PTRH2: variants seen among roughly 807,000 people sequenced by gnomAD.
The protein encoded by PTRH2 is peptidyl-tRNA hydrolase 2.
PTRH2 carries 10 observed loss-of-function variants against 12.3 expected under a neutral mutation model. The ratio of observed to expected loss-of-function variants is 0.81; its 90% CI spans 0.50 to 1.38. The LOEUF (loss-of-function observed/expected upper bound fraction) is 1.38. Among genes scored for constraint, PTRH2 ranks in the 40% most tolerant of loss-of-function variants. PTRH2 has a pLI of 0.00. For synonymous variants in PTRH2, 73 were observed against 77.4 expected (o/e 0.94, Z 0.30); for missense variants, 176 against 214.1 (o/e 0.82, Z 1.11).
rs567829475 is a variant in PTRH2 at position 59,697,527 on chromosome 17, A to G, written c.452T>C (p.Ile151Thr). Residue 151 changes from isoleucine to threonine, a missense_variant, in exon 2 of 2, where the codon ATT becomes ACT. Transcript: ENST00000393038. ...TAGGACAGTTTGAGAGCCTGGTGCA[A>G]TCTGAGTACGTCCAGCATCTTGAAT... Reference protein sequence around the residue: ...SLIQDAGRTQIAPGSQTVLGI... With the variant: ...SLIQDAGRTQTAPGSQTVLGI... 1.1e-5 allele frequency: 17 copies of G among 1,614,082 alleles called. No individual in the cohort carries two copies. The highest frequency in any genetic ancestry group is 1.4e-5 in the Non-Finnish European group (16 of 1,180,030).
At chr17:59,698,061 A>C (rs1364808187) in intron 1 of PTRH2, 83 bp from the exon 2 acceptor site, 6 of 1,379,220 alleles carry the variant, frequency 4.4e-6, no homozygotes, top group African/African-American at 4.3e-5. Flanking sequence ...CATTTTGACT[A>C]TACACTTAAT....
At chr17:59,705,873 C>T (rs1274869545) in intron 1 of PTRH2, among the ~76,000 whole-genome samples, 1 of 150,282 alleles carries the variant, frequency 6.7e-6, no homozygotes, top group East Asian at 2.0e-4. Context: ...CGTGCCACTG[C>T]ACCCCAGGCT....
chr17:59,697,886 C>T lies in PTRH2; in HGVS notation c.93G>A (p.Trp31Ter), dbSNP rs1294419677. The change falls in exon 2 of 2, where the codon TGG becomes TGA. Residue 31 changes from tryptophan (W) to a stop codon, truncating the protein, a stop_gained. Coordinates refer to ENST00000393038, the MANE Select transcript of PTRH2 (RefSeq NM_016077.5). LOFTEE classifies it high-confidence loss of function. ...GCATCCCAAAGCATACTCGAAGGCT[C>T]CAGCCCAGGCACATGCCACAAGCAA... ...VGVACGMCLG[W>*]SLRVCFGMLP... 6.2e-6 allele frequency: 10 copies of T among 1,614,050 alleles called. No individual in the cohort carries two copies. Among genetic ancestry groups the T allele is most frequent in the Non-Finnish European group, 8.5e-6 (10 of 1,180,034 alleles).
chr17:59,700,171 G>A (rs1388084907), intron 1 of PTRH2: 1 of 152,176 alleles, frequency 6.6e-6, no homozygotes, highest in Non-Finnish European at 1.5e-5. Flanking sequence ...TGTCCATACT[G>A]AATTTTCCAG....
chr17:59,698,730 T>G (rs1240147767), intron 1 of PTRH2: 1 of 606,484 alleles, frequency 1.6e-6, no homozygotes, highest in Non-Finnish European at 2.9e-6. Flanking sequence ...CTAGCCTACC[T>G]TAAATGTGCT....
chr17:59,702,992 G>A (rs1224939339), intron 1 of PTRH2, among the ~76,000 whole-genome samples: 1 of 152,054 alleles, frequency 6.6e-6, no homozygotes, highest in African/African-American at 2.4e-5. Context: ...TGGTAGGTTA[G>A]GTGTATTAAA....
intron 1 of PTRH2, chr17:59,700,990 AATG>A (rs1420051948): frequency 2.6e-5 from 4 of 152,234 alleles, no homozygotes. Flanking sequence ...GGTTAAGATT[AATG>A]ATGACTTTTT....
intron 1 of PTRH2, chr17:59,699,034 T>C: frequency 3.3e-6 from 2 of 611,028 alleles, no homozygotes. Context: ...TCAACACTAG[T>C]TGATGGTTTA....
chr17:59,697,985 G>A lies in PTRH2; in HGVS notation c.1-7C>T, dbSNP rs751800091. Reference sequence around the variant, plus strand: ...CCAAGGATTTGGAGGGCATCTTAAAGGAAAGGAAAACAGTTATCACTATCC... The same window carrying A: ...CCAAGGATTTGGAGGGCATCTTAAAAGAAAGGAAAACAGTTATCACTATCC... On this transcript the variant is annotated splice_region_variant and splice_polypyrimidine_tract_variant and intron_variant, in intron 1 of 1. Transcript: ENST00000393038. 8 of 1,608,066 alleles carry A rather than the reference G, an allele frequency of 5.0e-6. No homozygotes were observed. In the Admixed American group the frequency reaches 5.0e-5, roughly 10 times the overall value.
At chr17:59,704,850 G>A (rs1048715995) in intron 1 of PTRH2, among the ~76,000 whole-genome samples, 8 of 151,642 alleles carry the variant, frequency 5.3e-5, no homozygotes, top group East Asian at 3.9e-4. Flanking sequence ...GTGCAGTGGC[G>A]CCATCTCAGC....
At chr17:59,698,043 CAG>C (rs964856198) in intron 1 of PTRH2, 65 bp from the exon 2 acceptor site, 2 of 1,481,722 alleles carry the variant, frequency 1.3e-6, no homozygotes, top group African/African-American at 2.8e-5. Flanking sequence ...ATAGGCTTAT[CAG>C]AGAAACATTT....
At chr17:59,699,686 T>A (rs955021450) in intron 1 of PTRH2, 8 of 152,884 alleles carry the variant, frequency 5.2e-5, no homozygotes, top group Non-Finnish European at 1.0e-4. Flanking sequence ...ATTTAACTGA[T>A]GCTGACGATT....
chr17:59,697,787 C>T lies in PTRH2; in HGVS notation c.192G>A (p.Glu64=), dbSNP rs780377118. ...SEASILGDSG[E]YKMILVVRND... ...TTCGAACCACAAGAATCATCTTGTACTCCCCGCTGTCTCCCAAGATGCTTG... is the reference window on the plus strand; with the variant it reads ...TTCGAACCACAAGAATCATCTTGTATTCCCCGCTGTCTCCCAAGATGCTTG... Residue 64 remains glutamate, a synonymous_variant, in exon 2 of 2, where the codon GAG becomes GAA. Transcript: ENST00000393038. 1.9e-6 allele frequency: 3 copies of T among 1,614,240 alleles called. No individual in the cohort carries two copies. The highest frequency in any genetic ancestry group is 2.2e-5 in the East Asian group (1 of 44,890).
chr17:59,697,615 CAGG>C lies in PTRH2; in HGVS notation c.361_363del (p.Pro121del). 6.2e-7 allele frequency: 1 copy of C among 1,614,214 alleles called. No homozygotes were observed. Among genetic ancestry groups the C allele is most frequent in the South Asian group, 1.1e-5 (1 of 91,092 alleles). ...AATAATGCAATCAGGGTTTCTTCATCAGGAGCTTTGACCACCACCTTGGGCTGG... is the reference window on the plus strand; with the variant it reads ...AATAATGCAATCAGGGTTTCTTCATCAGCTTTGACCACCACCTTGGGCTGG... On this transcript the variant is annotated inframe_deletion, in exon 2 of 2. Transcript: ENST00000393038.
rs2033497328 is a variant in PTRH2 at position 59,698,687 on chromosome 17, A to T, written c.1-709T>A. ...TGAAAATACTGTAAGCCAAAAATGC[A>T]TTTAATACACCTACAGAATATCATG... On this transcript the variant is annotated intron_variant, in intron 1 of 1. Coordinates refer to ENST00000393038, the MANE Select transcript of PTRH2 (RefSeq NM_016077.5). The T allele has an allele frequency of 9.1e-6, 5 of 551,926 alleles. No homozygotes were observed. In the South Asian group the frequency reaches 1.2e-4, roughly 13 times the overall value. 34.2% of individuals were successfully genotyped at this position (551,926 alleles called of 1,614,324 possible).
In PTRH2 at chr17:59,697,903, C is replaced by T; in HGVS notation, c.76G>A (p.Gly26Ser). 6.2e-7 allele frequency: 1 copy of T among 1,614,104 alleles called. No homozygotes were observed. Among genetic ancestry groups the T allele is most frequent in the Non-Finnish European group, 8.5e-7 (1 of 1,180,026 alleles). Residue 26 changes from glycine to serine, a missense_variant, in exon 2 of 2, where the codon GGC (glycine) becomes AGC (serine). By Grantham distance (56) the Gly-to-Ser change is moderately conservative. Coordinates refer to ENST00000393038, the MANE Select transcript of PTRH2 (RefSeq NM_016077.5). Reference protein sequence around the residue: ...TLGLAVGVACGMCLGWSLRVC... With the variant: ...TLGLAVGVACSMCLGWSLRVC... ...CGAAGGCTCCAGCCCAGGCACATGC[C>T]ACAAGCAACTCCAACAGCCAAGCCG...
chr17:59,701,799 G>A (rs919707030), intron 1 of PTRH2, among the ~76,000 whole-genome samples: 24 of 151,860 alleles, frequency 1.6e-4, no homozygotes, highest in Admixed American at 1.0e-3. Context: ...TCCGCCTCCC[G>A]GGTTCATGCC....
chr17:59,702,550 C>T (rs1336358785), intron 1 of PTRH2, among the ~76,000 whole-genome samples: 2 of 152,160 alleles, frequency 1.3e-5, no homozygotes, highest in Non-Finnish European at 2.9e-5. Context: ...GCCACAGGGA[C>T]GCCTGTTCTA....
intron 1 of PTRH2, chr17:59,698,790 G>C (rs1396774596): frequency 4.4e-6 from 3 of 682,414 alleles, no homozygotes; most frequent in African/African-American, 3.6e-5. Flanking sequence ...CTAACACGAG[G>C]CTCTTTTATA....
Sources: gnomAD v4.1 joint callset for allele counts (sites outside exome capture counted in the v4.1 genomes callset) on GRCh38, gnomAD v4.1.1 for gene constraint, MANE v1.5 for transcripts, NCBI Gene and HGNC (gene_info 2026-07-23, HGNC 2026-07-21) for gene names.